The following FSTL4 variants were observed in gnomAD, a reference collection of about 807,000 sequenced individuals.
The protein encoded by FSTL4 is follistatin-related protein 4.
Under a neutral mutation model 78.2 loss-of-function variants are expected in FSTL4, and 28 were observed. The observed-to-expected ratio is 0.36, with a 90% CI of 0.27 to 0.49. FSTL4 has a LOEUF of 0.49. FSTL4 is among the 20% of genes least tolerant of loss of function. The pLI, the probability that FSTL4 is intolerant of heterozygous loss-of-function variation, is 0.98. For missense variants in FSTL4, 922 were observed against 1,084.9 expected (o/e 0.85, Z 2.11); for synonymous variants, 422 against 440.5 (o/e 0.96, Z 0.53).
chr5:133,702,907 C>T, the FSTL4 span, among the ~76,000 whole-genome samples: 1 of 152,154 alleles, frequency 6.6e-6, no homozygotes, highest in Non-Finnish European at 1.5e-5. Flanking sequence ...AGCACATACC[C>T]ATCGCTCTCT....
intron 2 of FSTL4, among the ~76,000 whole-genome samples, chr5:133,577,512 A>G (rs1760309809): frequency 6.6e-6 from 1 of 152,178 alleles, no homozygotes; most frequent in South Asian, 2.1e-4. Context: ...AGGGGCTTAG[A>G]TAGCTGAGGG....
the FSTL4 span, among the ~76,000 whole-genome samples, chr5:133,734,804 T>C: frequency 3.3e-5 from 5 of 152,214 alleles, no homozygotes; most frequent in Admixed American, 6.5e-5. Flanking sequence ...AAGTTATCCT[T>C]GTGTCAGATC....
the FSTL4 span, among the ~76,000 whole-genome samples, chr5:133,715,960 G>T: frequency 6.6e-6 from 1 of 152,154 alleles, no homozygotes; most frequent in African/African-American, 2.4e-5. Flanking sequence ...TTAGTCCTCG[G>T]CTGAGTGAAG....
At chr5:133,692,910 T>C in the FSTL4 span, among the ~76,000 whole-genome samples, 1 of 152,252 alleles carries the variant, frequency 6.6e-6, no homozygotes, top group Non-Finnish European at 1.5e-5. Flanking sequence ...TCTGCTGCAC[T>C]GTGTACCTTG....
At chr5:133,231,589 T>A (rs1382964130) in intron 8 of FSTL4, among the ~76,000 whole-genome samples, 1 of 152,202 alleles carries the variant, frequency 6.6e-6, no homozygotes, top group Non-Finnish European at 1.5e-5. Context: ...GTCGCCCAGG[T>A]TGGAGTGCAG....
At chr5:133,638,447 A>G in the FSTL4 span, among the ~76,000 whole-genome samples, 8 of 152,148 alleles carry the variant, frequency 5.3e-5, no homozygotes, top group South Asian at 1.5e-3. Flanking sequence ...CATCTCTCCA[A>G]CTGGGGTCCT....
the FSTL4 span, among the ~76,000 whole-genome samples, chr5:133,757,428 G>A: frequency 0.053 from 8,066 of 152,248 alleles, 256 homozygotes; most frequent in African/African-American, 0.062. Flanking sequence ...GTGGTGATTG[G>A]TGGCTACAAT....
chr5:133,836,900 C>T, the FSTL4 span, among the ~76,000 whole-genome samples: 1 of 152,034 alleles, frequency 6.6e-6, no homozygotes, highest in Non-Finnish European at 1.5e-5. Flanking sequence ...GATTTTCAGT[C>T]GTTTTATCGT....
At chr5:133,675,923 AG>A in the FSTL4 span, among the ~76,000 whole-genome samples, 2 of 152,136 alleles carry the variant, frequency 1.3e-5, no homozygotes, top group African/African-American at 4.8e-5. Context: ...GAGTCAGCCT[AG>A]GAGAGTCTGA....
the FSTL4 span, among the ~76,000 whole-genome samples, chr5:133,767,291 C>T: frequency 1.8e-3 from 268 of 152,210 alleles, 1 homozygote; most frequent in Non-Finnish European, 3.3e-3. Context: ...AGGGGGGCAT[C>T]GATTCTAGCC....
the FSTL4 span, among the ~76,000 whole-genome samples, chr5:133,750,842 C>T: frequency 6.6e-6 from 1 of 152,060 alleles, no homozygotes; most frequent in Non-Finnish European, 1.5e-5. Context: ...ACACCCCTGC[C>T]CTCTGCCTGC....
At chr5:133,645,194 G>A in the FSTL4 span, among the ~76,000 whole-genome samples, 9 of 152,024 alleles carry the variant, frequency 5.9e-5, no homozygotes, top group African/African-American at 2.2e-4. Context: ...TTGCTTCAGG[G>A]GTCTGCTTTT....
chr5:133,351,660 TG>T (rs1167664716), intron 4 of FSTL4, among the ~76,000 whole-genome samples: 1 of 152,158 alleles, frequency 6.6e-6, no homozygotes, highest in Non-Finnish European at 1.5e-5. Flanking sequence ...CAGGCTGGAG[TG>T]CAGTGGCATA....
the FSTL4 span, among the ~76,000 whole-genome samples, chr5:133,651,244 T>A: frequency 6.6e-6 from 1 of 152,190 alleles, no homozygotes; most frequent in Non-Finnish European, 1.5e-5. Flanking sequence ...TCTTGTCTTA[T>A]TGCACTAGCT....
chr5:133,833,896 A>C, the FSTL4 span, among the ~76,000 whole-genome samples: 23 of 152,238 alleles, frequency 1.5e-4, no homozygotes, highest in Non-Finnish European at 2.9e-4. Flanking sequence ...TACAGAAACA[A>C]ACTAGAAAGA....
chr5:133,693,875 T>G, the FSTL4 span, among the ~76,000 whole-genome samples: 1 of 152,158 alleles, frequency 6.6e-6, no homozygotes, highest in Admixed American at 6.5e-5. Flanking sequence ...CTCTGCCTTT[T>G]TTGTTCTGTC....
intron 3 of FSTL4, among the ~76,000 whole-genome samples, chr5:133,564,999 GATGC>G (rs1264961600): frequency 6.6e-6 from 1 of 152,172 alleles, no homozygotes; most frequent in East Asian, 1.9e-4. Flanking sequence ...CAATGGAGGG[GATGC>G]TCCTGAGTCA....
At chr5:133,437,485 G>GTTTTTTTTT (rs11401684) in intron 3 of FSTL4, among the ~76,000 whole-genome samples, 3 of 95,370 alleles carry the variant, frequency 3.1e-5, no homozygotes, top group South Asian at 3.7e-4. Flanking sequence ...GTAAATAGGT[G>GTTTTTTTTT]TTTTTTTTTT....
the FSTL4 span, among the ~76,000 whole-genome samples, chr5:133,705,775 A>C: frequency 6.9e-4 from 104 of 151,658 alleles, 2 homozygotes; most frequent in African/African-American, 2.3e-3. Flanking sequence ...CCCTCTACTC[A>C]TCCTCTCCCT....
Sources: gnomAD v4.1 joint callset for allele counts (sites outside exome capture counted in the v4.1 genomes callset) on GRCh38, gnomAD v4.1.1 for gene constraint, MANE v1.5 for transcripts, NCBI Gene and HGNC (gene_info 2026-07-23, HGNC 2026-07-21) for gene names.